OTOG: variants seen among roughly 807,000 people sequenced by gnomAD.
OTOG encodes otogelin.
Under a neutral mutation model 313.8 loss-of-function variants are expected in OTOG, and 296 were observed. The observed-to-expected ratio is 0.94, with a 90% confidence interval of 0.86 to 1.04. The LOEUF is 1.04. Among genes scored for constraint, OTOG ranks in the 50% least tolerant of loss-of-function variants. The probability of loss-of-function intolerance (pLI) is 0.00; values close to 1 mark genes in which losing one functional copy is unlikely to be tolerated. For synonymous variants in OTOG, 1,533 were observed against 1,554.9 expected (o/e 0.99, Z 0.33); for missense variants, 3,948 against 3,840.1 (o/e 1.03, Z -0.74).
intron 40 of OTOG, among the ~76,000 whole-genome samples, chr11:17,629,603 G>A (rs938998614): frequency 6.6e-6 from 1 of 152,172 alleles, no homozygotes; most frequent in African/African-American, 2.4e-5. Context: ...CCATCTGCAT[G>A]AGCCTGGGCA....
chr11:17,599,654 T>C lies in OTOG; in HGVS notation c.3683-17T>C, dbSNP rs1223141555. On this transcript the variant is annotated splice_polypyrimidine_tract_variant and intron_variant, in intron 30 of 55. Transcript: ENST00000399397. ...TCTGGGCTGGCTCTCAGGAAGTTCCTGTTCTCTCTCTTTCAGCGTATGACT... is the reference window on the plus strand; with the variant it reads ...TCTGGGCTGGCTCTCAGGAAGTTCCCGTTCTCTCTCTTTCAGCGTATGACT... The C allele has an allele frequency of 1.3e-6, 2 of 1,550,654 alleles. No homozygotes were observed. Among genetic ancestry groups the C allele is most frequent in the South Asian group, 2.4e-5 (2 of 84,058 alleles).
At chr11:17,628,292 G>T (rs565168371) in intron 39 of OTOG, among the ~76,000 whole-genome samples, 20 of 152,050 alleles carry the variant, frequency 1.3e-4, no homozygotes, top group African/African-American at 4.8e-4. Context: ...AAAAGTTTCA[G>T]TTTTTTTCAT....
Position 17,578,335 on chromosome 11 carries a change from G to C in OTOG, c.2606-38G>C, listed in dbSNP as rs947120598. The C allele has an allele frequency of 1.1e-5, 16 of 1,441,772 alleles. No individual in the cohort carries two copies. In the South Asian group the frequency reaches 1.7e-4, roughly 16 times the overall value. 89.3% of individuals were successfully genotyped at this position (1,441,772 alleles called of 1,614,324 possible). On this transcript the variant is annotated intron_variant, in intron 22 of 55. Transcript: ENST00000399397. Reference sequence around the variant, plus strand: ...CCTGTAGCCCAGGAGCCCATACTGAGGCCCCAGGGCCTCCGCTCCCATCTT... The same window carrying C: ...CCTGTAGCCCAGGAGCCCATACTGACGCCCCAGGGCCTCCGCTCCCATCTT...
intron 49 of OTOG, 105 bp downstream of exon 49, chr11:17,639,568 C>A: frequency 1.6e-6 from 2 of 1,238,864 alleles, no homozygotes; most frequent in Non-Finnish European, 2.3e-6. Context: ...TGCAAGGAAC[C>A]CGGGGTTGCA....
rs10580062 is a variant in OTOG, at chr11:17,613,327, CCCTT to C, written c.6439-242_6439-239del. On this transcript the variant is annotated intron_variant, in intron 38 of 55. Transcript: ENST00000399397. ...CTTCTTTCCCTCCCTCTCTGCCCTG[CCCTT>C]CCTTCCTTCCTTCCTTCCTTCCTTC... is the stretch of plus-strand genomic sequence containing the variant. Among the ~76,000 whole-genome samples, 24,417 of 102,174 alleles carry C rather than the reference CCCTT, an allele frequency of 0.24. 3,898 individuals are homozygous for C. The highest frequency in any genetic ancestry group is 0.51 in the East Asian group (1,979 of 3,860). The allele number at this position is 102,174 out of a possible 152,430, so 67.0% of individuals were successfully genotyped here.
intron 32 of OTOG, among the ~76,000 whole-genome samples, chr11:17,604,664 TG>T (rs1318001636): frequency 6.6e-6 from 1 of 152,200 alleles, no homozygotes; most frequent in Non-Finnish European, 1.5e-5. Flanking sequence ...GTGAGCTCCA[TG>T]AGGGCAAGAA....
chr11:17,552,734 T>C (rs1851971332), intron 4 of OTOG, among the ~76,000 whole-genome samples: 1 of 152,262 alleles, frequency 6.6e-6, no homozygotes, highest in Non-Finnish European at 1.5e-5. Context: ...GCTTCTTCCC[T>C]GAGTGTGTGG....
At chr11:17,550,156 C>T (rs1851903126) in intron 3 of OTOG, among the ~76,000 whole-genome samples, 1 of 152,172 alleles carries the variant, frequency 6.6e-6, no homozygotes, top group African/African-American at 2.4e-5. Context: ...TTTTGACTGT[C>T]ACCAATAGAC....
chr11:17,572,045 G>T (rs1412213621), intron 17 of OTOG, 35 bp from the exon 18 acceptor site: 1 of 1,550,030 alleles, frequency 6.5e-7, no homozygotes, highest in East Asian at 2.4e-5. Flanking sequence ...GTCCACAGGG[G>T]CAAGTGTGTG....
At position 17,625,720 on chromosome 11, in the gene OTOG, G is replaced by A. The variant is rs572852860; in HGVS notation, c.6529-3413G>A. Among the ~76,000 whole-genome samples the A allele has an allele frequency of 2.4e-4, 37 of 152,190 alleles. 1 individual carries two copies. The South Asian group carries it at 6.8e-3, about 28-fold the overall frequency. ...TTATTAATCCCTCATCAGATGTATG[G>A]TTTGCAAATATTTTCTCCCATTCTA... On this transcript the variant is annotated intron_variant, in intron 39 of 55. Coordinates refer to ENST00000399397, the MANE Select transcript of OTOG (RefSeq NM_001292063.2).
At chr11:17,642,770 C>A (rs1454787918) in intron 53 of OTOG, among the ~76,000 whole-genome samples, 3 of 152,242 alleles carry the variant, frequency 2.0e-5, no homozygotes, top group African/African-American at 7.2e-5. Flanking sequence ...TTATTAAAGT[C>A]CCTGAGATTA....
rs147926214 is a variant in OTOG at position 17,574,841 on chromosome 11, C to T, written c.2415C>T (p.Asp805=). ...ATGGTGGCGATGACCTGAGCAGAGA[C>T]GAGTGTGTGGAGGGCTGTGCCTGCC... is the stretch of plus-strand genomic sequence containing the variant. ...GVDGGDDLSR[D]ECVEGCACPP... is the part of the protein sequence containing the mutation. Residue 805 remains aspartate (D), a synonymous_variant, in exon 20 of 56, where the codon GAC becomes GAT. Transcript: ENST00000399397. 52 of 1,549,598 alleles carry T rather than the reference C, an allele frequency of 3.4e-5. No individual in the cohort carries two copies. Among genetic ancestry groups the T allele is most frequent in the Middle Eastern group, 3.3e-4 (2 of 5,980 alleles).
In OTOG at chr11:17,576,685, C is replaced by CT. The variant is rs1436793775; in HGVS notation, c.2561+56dup. ...CCTCTCTTTAAAGGGAGGCTGCTGA[C>CT]TGAAGACAGTGCAGCTGATGGAACT... On this transcript the variant is annotated intron_variant, in intron 21 of 55. Transcript: ENST00000399397. 6 of 1,493,584 alleles carry CT rather than the reference C, an allele frequency of 4.0e-6. No homozygotes were observed. In the East Asian group the frequency reaches 1.5e-4, roughly 37 times the overall value. 92.5% of individuals were successfully genotyped at this position (1,493,584 alleles called of 1,614,324 possible).
chr11:17,637,599 C>T (rs1452254928), intron 47 of OTOG, among the ~76,000 whole-genome samples: 1 of 152,166 alleles, frequency 6.6e-6, no homozygotes, highest in African/African-American at 2.4e-5. Flanking sequence ...CGTGCATGAG[C>T]TTCATAGCAC....
At chr11:17,562,660 TA>T (rs1190067867) in intron 15 of OTOG, among the ~76,000 whole-genome samples, 14 of 152,218 alleles carry the variant, frequency 9.2e-5, no homozygotes, top group African/African-American at 2.2e-4. Flanking sequence ...CTCTTCCTTA[TA>T]AATTATTAAC....
intron 37 of OTOG, 112 bp from the exon 38 acceptor site, chr11:17,612,508 C>T (rs1377670734): frequency 1.4e-6 from 2 of 1,419,230 alleles, no homozygotes; most frequent in East Asian, 2.5e-5. Context: ...CCTCCAGACC[C>T]CAGGCCTCTG....
Position 17,593,270 on chromosome 11 carries a change from T to C in OTOG, c.3084T>C (p.Phe1028=). 5.2e-6 allele frequency: 8 copies of C among 1,550,440 alleles called. No homozygotes were observed. Among genetic ancestry groups the C allele is most frequent in the Non-Finnish European group, 7.0e-6 (8 of 1,146,822 alleles). ...CYSSGMICRK[F]ISINVGNSLI... The stretch of plus-strand genomic sequence containing the variant: ...GCTCTGGCATGATCTGCAGGAAATT[T>C]ATTTCCATCAACGTTGGGAACTCAC... Residue 1028 remains phenylalanine, a synonymous_variant, in exon 26 of 56, where the codon TTT becomes TTC. Coordinates refer to ENST00000399397, the MANE Select transcript of OTOG (RefSeq NM_001292063.2).
In OTOG at chr11:17,591,656, A is replaced by G. The variant is rs893588877; in HGVS notation, c.3006+68A>G. On this transcript the variant is annotated intron_variant, in intron 25 of 55. Coordinates refer to ENST00000399397, the MANE Select transcript of OTOG (RefSeq NM_001292063.2). ...CTGTCAGGGCACTCTGGTGCTCTGG[A>G]CTCCAGTTTGATGCAGAATTGGGTG... 1.2e-5 allele frequency: 19 copies of G among 1,521,686 alleles called. No individual in the cohort carries two copies. The African/African-American group carries it at 2.2e-4, about 18-fold the overall frequency. 94.3% of individuals were successfully genotyped at this position (1,521,686 alleles called of 1,614,324 possible).
chr11:17,585,213 C>G (rs1264037671), intron 23 of OTOG, among the ~76,000 whole-genome samples: 1 of 152,178 alleles, frequency 6.6e-6, no homozygotes, highest in African/African-American at 2.4e-5. Flanking sequence ...TTTACCTATT[C>G]CTTCTTGGCT....
Sources: allele counts gnomAD v4.1 joint callset (sites outside exome capture counted in the v4.1 genomes callset), GRCh38; gene constraint gnomAD v4.1.1; transcripts MANE v1.5; gene names NCBI Gene and HGNC (gene_info 2026-07-23, HGNC 2026-07-21).